Variants in CSRP1 observed in about 807,000 individuals in gnomAD.
The protein encoded by CSRP1 is cysteine and glycine-rich protein 1.
CSRP1 carries 16 observed loss-of-function variants against 25.4 expected under a neutral mutation model. The observed-to-expected ratio is 0.63, with a 90% CI of 0.43 to 0.96. CSRP1 has a LOEUF of 0.96. Ranked by LOEUF, CSRP1 falls within the 40% of genes least tolerant of loss-of-function variation. The pLI, the probability that CSRP1 is intolerant of heterozygous loss-of-function variation, is 0.00. For missense variants in CSRP1, 212 were observed against 243.6 expected, an observed-to-expected ratio of 0.87 and a Z score of 0.86; for synonymous variants, 97 against 95.3, an observed-to-expected ratio of 1.02 and a Z score of -0.10.
chr1:201,488,711 A>C, intron 4 of CSRP1, 144 bp downstream of exon 4: 1 of 904,304 alleles, frequency 1.1e-6, no homozygotes, highest in South Asian at 1.7e-5. Flanking sequence ...AGGTACATGC[A>C]ACCCACAGGG....
chr1:201,496,422 C>T (rs1259577409), intron 1 of CSRP1, 118 bp from the exon 2 acceptor site: 3 of 849,702 alleles, frequency 3.5e-6, no homozygotes, highest in Non-Finnish European at 5.8e-6. Context: ...AGTAGAATGC[C>T]TGGGGGGCCA....
At position 201,484,121 on chromosome 1, in the gene CSRP1, A is replaced by T; in HGVS notation, c.*592T>A. ...GAGGCTATCCATTCCACAAAGACTCAAAGGCAAGAGGCCTGGAGAAGCAGG... is the reference window on the plus strand; with the variant it reads ...GAGGCTATCCATTCCACAAAGACTCTAAGGCAAGAGGCCTGGAGAAGCAGG... On this transcript the variant is annotated 3_prime_UTR_variant, in exon 6 of 6. Transcript: ENST00000340006. The T allele has an allele frequency of 1.5e-6, 1 of 664,654 alleles. No individual in the cohort carries two copies. The highest frequency in any genetic ancestry group is 2.8e-6 in the Non-Finnish European group (1 of 356,192). 41.2% of individuals were successfully genotyped at this position (664,654 alleles called of 1,614,324 possible). A position where few individuals can be genotyped will look rare whatever the true frequency, so the allele number is the denominator to read the frequency against.
In CSRP1 at chr1:201,488,894, C is replaced by G. The variant is rs150057601; in HGVS notation, c.372G>C (p.Gln124His). 3.1e-4 allele frequency: 495 copies of G among 1,614,042 alleles called. No individual in the cohort carries two copies. The highest frequency in any genetic ancestry group is 4.0e-4 in the Non-Finnish European group (474 of 1,180,030). The change falls in exon 4 of 6, where the codon CAG (glutamine) becomes CAC (histidine). Residue 124 changes from glutamine to histidine, a missense_variant. Physicochemically the swap from Gln to His is conservative, Grantham distance 24. Transcript: ENST00000340006. ...TCACCTTCTCCGCAGCATAGACTGC[C>G]TGGCTGCATCGGGGGCAGCGCTCGG... ...GGSERCPRCS[Q>H]AVYAAEKVIG...
chr1:201,494,829 T>TGC (rs1438836796), intron 2 of CSRP1, among the ~76,000 whole-genome samples: 8,007 of 140,588 alleles, frequency 0.057, 670 homozygotes, highest in African/African-American at 0.2. Flanking sequence ...GCAGTGTGCG[T>TGC]GTGTGTGTGT....
chr1:201,490,332 T>C lies in CSRP1; in HGVS notation c.125A>G (p.Lys42Arg). 1.2e-6 allele frequency: 2 copies of C among 1,614,048 alleles called. No homozygotes were observed. The highest frequency in any genetic ancestry group is 1.7e-6 in the Non-Finnish European group (2 of 1,179,956). ...KSCFLCMVCK[K>R]NLDSTTVAVH... ...GGCCACAGTGGTACTGTCCAGATTC[T>C]TCTTGCAGACCACTGTGGAGGGGAA... The change falls in exon 3 of 6, where the codon AAG becomes AGG. Residue 42 changes from lysine (K) to arginine (R), a missense_variant. By Grantham distance (26) the Lys-to-Arg change is conservative (BLOSUM62 2). Coordinates refer to ENST00000340006, the MANE Select transcript of CSRP1 (RefSeq NM_004078.3).
chr1:201,486,868 A>C (rs1664162947), intron 4 of CSRP1: 1 of 1,218,188 alleles, frequency 8.2e-7, no homozygotes, highest in African/African-American at 1.6e-5. Flanking sequence ...TAAGTAATGG[A>C]AATAGTGATT....
chr1:201,488,765 C>T (rs906460465), intron 4 of CSRP1, 90 bp downstream of exon 4: 16 of 1,506,824 alleles, frequency 1.1e-5, no homozygotes, highest in Non-Finnish European at 1.4e-5. Context: ...CTGCCCTGAG[C>T]AGAGCTAGGT....
At chr1:201,496,397 G>C (rs1222396084) in intron 1 of CSRP1, 93 bp from the exon 2 acceptor site, 14 of 1,101,174 alleles carry the variant, frequency 1.3e-5, no homozygotes, top group Admixed American at 3.5e-5. Context: ...CAGATCCAGA[G>C]GAGAGAAAGA....
Position 201,488,705 on chromosome 1 carries a change from A to G in CSRP1, c.411+150T>C, listed in dbSNP as rs894514357. 3.7e-6 allele frequency: 3 copies of G among 818,758 alleles called. No individual in the cohort carries two copies. In the African/African-American group the frequency reaches 5.2e-5, roughly 14 times the overall value. The allele number at this position is 818,758 out of a possible 1,614,324, so 50.7% of individuals were successfully genotyped here. A position where few individuals can be genotyped will look rare whatever the true frequency, so the allele number is the denominator to read the frequency against. ...TCCTTGGAGACTGGAAAGCACAGGT[A>G]CATGCAACCCACAGGGACAAAGAGA... On this transcript the variant is annotated intron_variant, in intron 4 of 5. Transcript: ENST00000340006.
chr1:201,489,616 C>T (rs914562953), intron 3 of CSRP1: 1 of 156,044 alleles, frequency 6.4e-6, no homozygotes, highest in African/African-American at 2.4e-5. Flanking sequence ...CTCCGACACT[C>T]ACTAGCCGTG....
chr1:201,502,783 T>G (rs1664707994), intron 1 of CSRP1, among the ~76,000 whole-genome samples: 1 of 152,116 alleles, frequency 6.6e-6, no homozygotes, highest in South Asian at 2.1e-4. Context: ...GCGGTATATG[T>G]CTCTCCCTTT....
Position 201,484,514 on chromosome 1 carries a change from C to A in CSRP1, c.*199G>T. ...TCCTACTGGTGATGGTGTCAGATCC[C>A]AGGCCTGGGGAGCCCTTTAGTGGGG... On this transcript the variant is annotated 3_prime_UTR_variant, in exon 6 of 6. Transcript: ENST00000340006. 1 of 601,422 alleles carries A rather than the reference C, an allele frequency of 1.7e-6. No individual in the cohort carries two copies. The highest frequency in any genetic ancestry group is 2.1e-5 in the South Asian group (1 of 48,130). The allele number at this position is 601,422 out of a possible 1,614,324, so 37.3% of individuals were successfully genotyped here.
intron 1 of CSRP1, among the ~76,000 whole-genome samples, chr1:201,498,999 A>G (rs1480706257): frequency 1.3e-5 from 2 of 152,196 alleles, no homozygotes; most frequent in East Asian, 1.9e-4. Context: ...CATGCCCCGC[A>G]GGAATTTCTG....
intron 2 of CSRP1, 83 bp downstream of exon 2, chr1:201,496,108 TG>T: frequency 1.0e-6 from 1 of 1,002,436 alleles, no homozygotes; most frequent in Non-Finnish European, 1.6e-6. Context: ...ATCAGTTCCC[TG>T]GGGTGTTGAC....
intron 4 of CSRP1, chr1:201,487,972 A>C (rs548372608): frequency 3.6e-4 from 55 of 152,294 alleles, no homozygotes; most frequent in African/African-American, 1.3e-3. Flanking sequence ...TGAAAGCCAA[A>C]ACCTGAATCC....
intron 1 of CSRP1, among the ~76,000 whole-genome samples, chr1:201,498,767 C>T (rs1188924504): frequency 6.6e-6 from 1 of 152,200 alleles, no homozygotes; most frequent in African/African-American, 2.4e-5. Flanking sequence ...AAAGCCACAG[C>T]TTCTGGGGCC....
intron 1 of CSRP1, among the ~76,000 whole-genome samples, chr1:201,498,971 G>C (rs1302918627): frequency 1.3e-5 from 2 of 152,098 alleles, no homozygotes; most frequent in African/African-American, 4.8e-5. Context: ...ACTTCCTCAG[G>C]CTCCCACACA....
rs368476178 is a variant in CSRP1, at chr1:201,490,307, G to A, written c.150C>T (p.Ala50=). ...TGCAGTAAATCTCCTCACCATGCAC[G>A]GCCACAGTGGTACTGTCCAGATTCT... ...CKKNLDSTTV[A]VHGEEIYCKS... is the part of the protein sequence containing the mutation. Residue 50 remains alanine (A), a synonymous_variant, in exon 3 of 6, where the codon GCC becomes GCT. Coordinates refer to ENST00000340006, the MANE Select transcript of CSRP1 (RefSeq NM_004078.3). 24 of 1,614,010 alleles carry A rather than the reference G, an allele frequency of 1.5e-5. 1 individual carries two copies. Among genetic ancestry groups the A allele is most frequent in the East Asian group, 1.3e-4 (6 of 44,888 alleles).
chr1:201,489,174 A>G (rs1268699411), intron 3 of CSRP1, 190 bp from the exon 4 acceptor site: 2 of 581,178 alleles, frequency 3.4e-6, no homozygotes, highest in Non-Finnish European at 5.8e-6. Context: ...CCTCAGCACA[A>G]TGTTATTTCC....
Sources: gnomAD v4.1 joint callset for allele counts (sites outside exome capture counted in the v4.1 genomes callset) on GRCh38, gnomAD v4.1.1 for gene constraint, MANE v1.5 for transcripts, NCBI Gene and HGNC (gene_info 2026-07-23, HGNC 2026-07-21) for gene names.